Variants in MTFR1 observed in about 807,000 individuals in gnomAD.
The protein encoded by MTFR1 is mitochondrial fission regulator 1.
A neutral mutation model predicts 38.8 loss-of-function variants in MTFR1; 28 were observed. That is an observed-to-expected ratio of 0.72 (90% CI 0.53 to 0.99). MTFR1 has a LOEUF of 0.99. Among genes scored for constraint, MTFR1 ranks in the 50% least tolerant of loss-of-function variants. The probability of loss-of-function intolerance (pLI) is 0.00; values close to 1 mark genes in which losing one functional copy is unlikely to be tolerated. For missense variants in MTFR1, 358 were observed against 395.5 expected (o/e 0.91, Z 0.81); for synonymous variants, 145 against 137.0 (o/e 1.06, Z -0.41).
intron 5 of MTFR1, among the ~76,000 whole-genome samples, chr8:65,706,664 G>T (rs1235097904): frequency 6.6e-6 from 1 of 152,188 alleles, no homozygotes; most frequent in African/African-American, 2.4e-5. Context: ...TTGTCAAATT[G>T]TATGTAATGT....
At chr8:65,694,579 T>G (rs1400628293) in intron 4 of MTFR1, among the ~76,000 whole-genome samples, 1 of 152,190 alleles carries the variant, frequency 6.6e-6, no homozygotes, top group African/African-American at 2.4e-5. Flanking sequence ...TTTAGATAAG[T>G]ACAGTAATTA....
intron 3 of MTFR1, among the ~76,000 whole-genome samples, chr8:65,721,353 G>A (rs1393919988): frequency 2.0e-5 from 3 of 152,208 alleles, no homozygotes; most frequent in Non-Finnish European, 1.5e-5. Context: ...CTGCCCCTAT[G>A]TTGGGGAGTA....
intron 3 of MTFR1, among the ~76,000 whole-genome samples, chr8:65,766,704 A>G (rs1808803527): frequency 6.6e-6 from 1 of 152,042 alleles, no homozygotes; most frequent in Non-Finnish European, 1.5e-5. Flanking sequence ...TGTTGGGGCT[A>G]CCCATTGCTC....
chr8:65,683,501 A>G (rs1021455750), intron 3 of MTFR1, among the ~76,000 whole-genome samples: 9 of 152,052 alleles, frequency 5.9e-5, no homozygotes, highest in African/African-American at 2.2e-4. Context: ...GCAATTCTTT[A>G]CAACCATAAT....
chr8:65,715,837 A>C (rs1453176728), intron 2 of MTFR1, among the ~76,000 whole-genome samples: 2 of 150,402 alleles, frequency 1.3e-5, no homozygotes, highest in Non-Finnish European at 3.0e-5. Flanking sequence ...AGTACAAAAA[A>C]ATTAGCAGGG....
intron 4 of MTFR1, among the ~76,000 whole-genome samples, chr8:65,694,919 G>T (rs188386060): frequency 1.4e-4 from 21 of 152,352 alleles, no homozygotes; most frequent in African/African-American, 4.6e-4. Context: ...ATGGCTCAAT[G>T]AGACTAGAGA....
At chr8:65,700,722 T>C (rs991662373) in intron 4 of MTFR1, among the ~76,000 whole-genome samples, 1 of 152,098 alleles carries the variant, frequency 6.6e-6, no homozygotes, top group Non-Finnish European at 1.5e-5. Context: ...CTCCCAAAGC[T>C]TTGCATCAGA....
intron 3 of MTFR1, among the ~76,000 whole-genome samples, chr8:65,685,679 G>T (rs191504797): frequency 9.2e-5 from 14 of 152,202 alleles, no homozygotes; most frequent in Non-Finnish European, 1.9e-4. Flanking sequence ...TTGGTATTGA[G>T]TGGTGAATGA....
intron 3 of MTFR1, chr8:65,739,450 G>C: frequency 6.7e-7 from 1 of 1,497,310 alleles, no homozygotes; most frequent in Non-Finnish European, 8.9e-7. Flanking sequence ...ACTTAAACAG[G>C]TTCTTGTATA....
At chr8:65,664,620 T>G (rs1457367325) in intron 1 of MTFR1, among the ~76,000 whole-genome samples, 7 of 151,232 alleles carry the variant, frequency 4.6e-5, no homozygotes, top group Non-Finnish European at 7.4e-5. Context: ...GTTTTTTTTT[T>G]TTTTTTTTCT....
At chr8:65,744,122 C>T (rs1293554125) in intron 3 of MTFR1, among the ~76,000 whole-genome samples, 1 of 152,132 alleles carries the variant, frequency 6.6e-6, no homozygotes, top group African/African-American at 2.4e-5. Context: ...CATGAGCCAC[C>T]ACGCCCAGCC....
rs1804520783 is a variant in MTFR1, at chr8:65,669,939, ACT to A, written c.-13_-12del. On this transcript the variant is annotated 5_prime_UTR_variant, in exon 2 of 8. The change abolishes the stop of an existing upstream ORF in the 5' untranslated region. Transcript: ENST00000262146. ...GTACTTGAAATGCAAATTTGGGGAG[ACT>A]TTGCCATATAAATGCTTGGCTGGAT... is the stretch of plus-strand genomic sequence containing the variant. 2 of 1,604,082 alleles carry A rather than the reference ACT, an allele frequency of 1.2e-6. No individual in the cohort carries two copies. The highest frequency in any genetic ancestry group is 1.3e-5 in the African/African-American group (1 of 74,386).
At chr8:65,705,393 C>T (rs1805755089) in intron 5 of MTFR1, among the ~76,000 whole-genome samples, 1 of 152,150 alleles carries the variant, frequency 6.6e-6, no homozygotes, top group African/African-American at 2.4e-5. Flanking sequence ...ACAACCAGGT[C>T]AGGTTTAGAT....
At chr8:65,691,505 C>T (rs118068126) in intron 3 of MTFR1, among the ~76,000 whole-genome samples, 6,313 of 152,164 alleles carry the variant, frequency 0.041, 191 homozygotes, top group Non-Finnish European at 0.063. Context: ...TGCCCAGGCT[C>T]GTCTCAAGCT....
intron 3 of MTFR1, among the ~76,000 whole-genome samples, chr8:65,689,827 C>CTA (rs967740170): frequency 1.3e-5 from 2 of 152,098 alleles, no homozygotes; most frequent in African/African-American, 4.8e-5. Flanking sequence ...AGATTTTCTT[C>CTA]TAGTTTTATT....
At chr8:65,661,952 A>G (rs1809424945) in intron 1 of MTFR1, among the ~76,000 whole-genome samples, 2 of 152,062 alleles carry the variant, frequency 1.3e-5, no homozygotes, top group South Asian at 2.1e-4. Context: ...CAACAGAGCA[A>G]GAGTCCGTCT....
rs1273994287 is a variant in MTFR1, at chr8:65,645,698, C to T, written c.-81+914C>T. Among the ~76,000 whole-genome samples the T allele has an allele frequency of 6.1e-5, 8 of 130,372 alleles. 2 individuals are homozygous for T. The highest frequency in any genetic ancestry group is 2.3e-4 in the African/African-American group (8 of 35,248). The allele number at this position is 130,372 out of a possible 152,430, so 85.5% of individuals were successfully genotyped here. A position where few individuals can be genotyped will look rare whatever the true frequency, so the allele number is the denominator to read the frequency against. On this transcript the variant is annotated intron_variant, in intron 1 of 7. Coordinates refer to ENST00000262146, the MANE Select transcript of MTFR1 (RefSeq NM_014637.4). ...GCGCCATCACGCCCGGCTTTCCCCC[C>T]CCCCCCCCTTTGTAGAGATGGGGTC...
intron 3 of MTFR1, among the ~76,000 whole-genome samples, chr8:65,748,185 C>A (rs1407298528): frequency 6.6e-6 from 1 of 151,718 alleles, no homozygotes; most frequent in Non-Finnish European, 1.5e-5. Context: ...ATGGAAAAAA[C>A]CTAGTTTCAA....
Position 65,719,269 on chromosome 8 carries a change from T to C in MTFR1, c.382-111T>C, listed in dbSNP as rs771567262. 5.1e-6 allele frequency: 8 copies of C among 1,571,840 alleles called. No individual in the cohort carries two copies. The South Asian group carries it at 7.8e-5, about 15-fold the overall frequency. On this transcript the variant is annotated intron_variant, in intron 2 of 3. Transcript: ENST00000521247. The stretch of plus-strand genomic sequence containing the variant: ...TTTCTAAAAACCTCCAGGAGGCAGT[T>C]TGTCCCACTGGTTCTGGGGGTTATG...
Sources: allele counts gnomAD v4.1 joint callset (sites outside exome capture counted in the v4.1 genomes callset), GRCh38; gene constraint gnomAD v4.1.1; transcripts MANE v1.5; gene names NCBI Gene and HGNC (gene_info 2026-07-23, HGNC 2026-07-21).